The following NLGN1 variants were observed in gnomAD, a reference collection of about 807,000 sequenced individuals.
NLGN1 encodes the protein neuroligin 1, also known as neuroligin-1.
In NLGN1, 12 loss-of-function variants were observed where a neutral mutation model predicts 65.5. The observed-to-expected ratio is 0.18, with a 90% CI of 0.12 to 0.30. The LOEUF is 0.30. Ranked by LOEUF, NLGN1 falls within the 10% of genes least tolerant of loss-of-function variation. NLGN1 has a pLI of 1.00. For synonymous variants in NLGN1, 350 were observed against 359.5 expected (o/e 0.97, Z 0.30); for missense variants, 750 against 1,007.1 (o/e 0.74, Z 3.46).
intron 4 of NLGN1, among the ~76,000 whole-genome samples, chr3:174,219,100 G>C (rs138368199): frequency 6.6e-6 from 1 of 152,012 alleles, no homozygotes. Context: ...TCAAAAAAAT[G>C]GTTTCCTATT....
At chr3:174,100,941 A>G (rs1641887991) in intron 4 of NLGN1, among the ~76,000 whole-genome samples, 1 of 151,968 alleles carries the variant, frequency 6.6e-6, no homozygotes, top group African/African-American at 2.4e-5. Context: ...CACAGCCATC[A>G]TACTTCTAGA....
chr3:173,544,259 CGTGTGTGTGTGT>C (rs3980148), intron 2 of NLGN1, among the ~76,000 whole-genome samples: 34 of 144,226 alleles, frequency 2.4e-4, no homozygotes, highest in Middle Eastern at 6.9e-3. Context: ...GATTATATTA[CGTGTGTGTGTGT>C]GTGTGTGTGT....
At chr3:174,192,182 GA>G (rs1050042565) in intron 4 of NLGN1, among the ~76,000 whole-genome samples, 8 of 148,302 alleles carry the variant, frequency 5.4e-5, no homozygotes, top group African/African-American at 1.7e-4. Flanking sequence ...TTTGTTTGAA[GA>G]AAAAAAAACA....
At chr3:173,415,681 A>G (rs913023329) in intron 1 of NLGN1, among the ~76,000 whole-genome samples, 1 of 152,186 alleles carries the variant, frequency 6.6e-6, no homozygotes, top group Non-Finnish European at 1.5e-5. Flanking sequence ...ATATACTATT[A>G]AACTCTATAT....
intron 1 of NLGN1, among the ~76,000 whole-genome samples, chr3:173,429,124 G>A (rs553208926): frequency 8.6e-5 from 13 of 151,898 alleles, no homozygotes; most frequent in East Asian, 3.9e-4. Flanking sequence ...GGCGGTCGAC[G>A]GCTATTAGAT....
chr3:173,969,244 A>C (rs1394077684), intron 4 of NLGN1, among the ~76,000 whole-genome samples: 2 of 152,258 alleles, frequency 1.3e-5, no homozygotes, highest in Middle Eastern at 3.4e-3. Context: ...GGCCATAAGG[A>C]CAATATGCCA....
At chr3:173,414,232 G>A (rs1233101337) in intron 1 of NLGN1, among the ~76,000 whole-genome samples, 1 of 152,130 alleles carries the variant, frequency 6.6e-6, no homozygotes, top group Non-Finnish European at 1.5e-5. Flanking sequence ...GAAACAGAGA[G>A]GATGCTTGAA....
chr3:174,108,602 T>C (rs116834115), intron 4 of NLGN1, among the ~76,000 whole-genome samples: 2 of 152,150 alleles, frequency 1.3e-5, no homozygotes, highest in Non-Finnish European at 2.9e-5. Flanking sequence ...GGATAAAGCA[T>C]TGACAAGTGG....
chr3:173,646,561 T>C (rs2149614108), intron 3 of NLGN1, among the ~76,000 whole-genome samples: 1 of 152,368 alleles, frequency 6.6e-6, no homozygotes, highest in African/African-American at 2.4e-5. Context: ...TTAATCTGAT[T>C]GTATCATTAC....
chr3:173,901,188 T>C (rs748404511), intron 4 of NLGN1, among the ~76,000 whole-genome samples: 150 of 152,136 alleles, frequency 9.9e-4, no homozygotes, highest in Non-Finnish European at 1.7e-3. Flanking sequence ...GAATTGAGAT[T>C]AATAATGCAT....
chr3:174,247,299 A>G (rs1195792225), intron 4 of NLGN1, among the ~76,000 whole-genome samples: 1 of 152,196 alleles, frequency 6.6e-6, no homozygotes, highest in African/African-American at 2.4e-5. Context: ...GAAGATACGT[A>G]TCATCTGGAA....
intron 2 of NLGN1, among the ~76,000 whole-genome samples, chr3:173,558,084 T>C (rs923088343): frequency 6.6e-6 from 1 of 152,120 alleles, no homozygotes; most frequent in Non-Finnish European, 1.5e-5. Context: ...TTCTTACTTG[T>C]ATTATTTCTG....
intron 3 of NLGN1, among the ~76,000 whole-genome samples, chr3:173,706,057 A>T (rs1767997713): frequency 6.6e-6 from 1 of 152,218 alleles, no homozygotes; most frequent in Non-Finnish European, 1.5e-5. Flanking sequence ...TTAAATAAGT[A>T]AAAGAGAAAT....
chr3:173,862,302 C>T (rs868620230), intron 4 of NLGN1, among the ~76,000 whole-genome samples: 38 of 151,010 alleles, frequency 2.5e-4, no homozygotes, highest in African/African-American at 8.5e-4. Flanking sequence ...GTCGGGAGAT[C>T]GAGACCATCC....
At chr3:173,988,163 A>C (rs1208145955) in intron 4 of NLGN1, among the ~76,000 whole-genome samples, 1 of 152,154 alleles carries the variant, frequency 6.6e-6, no homozygotes, top group East Asian at 1.9e-4. Context: ...TTGGGGACAC[A>C]AAGGCCAGTG....
At chr3:173,922,225 G>A (rs112485959) in intron 4 of NLGN1, among the ~76,000 whole-genome samples, 6,729 of 152,018 alleles carry the variant, frequency 0.044, 264 homozygotes, top group African/African-American at 0.11. Flanking sequence ...ATGTTTTTAT[G>A]TGTTTGATCA....
intron 4 of NLGN1, among the ~76,000 whole-genome samples, chr3:174,002,289 G>A (rs1326017240): frequency 1.3e-5 from 2 of 151,952 alleles, no homozygotes; most frequent in African/African-American, 2.4e-5. Flanking sequence ...CACCATGCCC[G>A]GCTGATTTTT....
chr3:173,773,563 T>G (rs886170496), intron 3 of NLGN1, among the ~76,000 whole-genome samples: 5 of 152,184 alleles, frequency 3.3e-5, no homozygotes, highest in African/African-American at 1.2e-4. Flanking sequence ...TTGAATATGA[T>G]GTTTGTTATA....
intron 3 of NLGN1, among the ~76,000 whole-genome samples, chr3:173,789,633 G>C (rs889487646): frequency 2.0e-5 from 3 of 152,178 alleles, no homozygotes; most frequent in African/African-American, 7.2e-5. Flanking sequence ...TTAATAACTT[G>C]GGCTCTTTGA....
Sources: gnomAD v4.1 joint callset for allele counts (sites outside exome capture counted in the v4.1 genomes callset) on GRCh38, gnomAD v4.1.1 for gene constraint, MANE v1.5 for transcripts, NCBI Gene and HGNC (gene_info 2026-07-23, HGNC 2026-07-21) for gene names.